Variants in OGT observed in about 807,000 individuals in gnomAD.
The protein encoded by OGT is UDP-N-acetylglucosamine--peptide N-acetylglucosaminyltransferase 110 kDa subunit.
Under a neutral mutation model 75.8 loss-of-function variants are expected in OGT, and 3 were observed. That is an observed-to-expected ratio of 0.04 (90% CI 0.02 to 0.10). The LOEUF (loss-of-function observed/expected upper bound fraction) is 0.10. Among genes scored for constraint, OGT ranks in the 10% least tolerant of loss-of-function variants. OGT has a pLI of 1.00. For missense variants in OGT, 260 were observed against 824.4 expected, an observed-to-expected ratio of 0.32 and a Z score of 8.38; for synonymous variants, 257 against 289.7, an observed-to-expected ratio of 0.89 and a Z score of 1.15.
At chrX:71,549,138 C>T (rs886928382) in intron 5 of OGT, among the ~76,000 whole-genome samples, 3 of 106,737 alleles carry the variant, frequency 2.8e-5, no homozygotes, top group Non-Finnish European at 5.8e-5. Flanking sequence ...GACCCTGTCT[C>T]TACAAAAATG....
chrX:71,553,355 A>G (rs746843354), intron 5 of OGT, among the ~76,000 whole-genome samples: 1 of 111,940 alleles, frequency 8.9e-6, no homozygotes, highest in Non-Finnish European at 1.9e-5. Flanking sequence ...TGGCCTCCCA[A>G]AGTGCTGGGA....
intron 3 of OGT, among the ~76,000 whole-genome samples, chrX:71,543,735 TGTG>T (rs1199237126): frequency 1.2e-4 from 6 of 49,239 alleles, no homozygotes; most frequent in Non-Finnish European, 1.6e-4. Flanking sequence ...ATATTTGAGA[TGTG>T]TGTGTGTGTG....
At chrX:71,559,117 G>C (rs1470817678) in intron 12 of OGT, 150 bp from the exon 13 acceptor site, 1 of 463,120 alleles carries the variant, frequency 2.2e-6, no homozygotes, top group African/African-American at 2.5e-5. Flanking sequence ...ATAAAGTGCT[G>C]AGGTTGCATC....
chrX:71,560,733 A>G (rs2040377634), intron 14 of OGT, among the ~76,000 whole-genome samples: 1 of 111,583 alleles, frequency 9.0e-6, no homozygotes, highest in African/African-American at 3.3e-5. Flanking sequence ...TTTTTGATAC[A>G]CAGTTGGACT....
intron 4 of OGT, chrX:71,546,432 ACCT>A (rs2040259393): frequency 2.7e-6 from 2 of 753,441 alleles, no homozygotes; most frequent in East Asian, 1.5e-4. Flanking sequence ...CAGACACACA[ACCT>A]CCTCCTCCTC....
intron 7 of OGT, among the ~76,000 whole-genome samples, 158 bp downstream of exon 7, chrX:71,555,543 G>A (rs749375044): frequency 9.8e-5 from 11 of 111,764 alleles, no homozygotes; most frequent in Non-Finnish European, 2.1e-4. Flanking sequence ...GCAACATGAC[G>A]AAACCCTGTC....
intron 1 of OGT, among the ~76,000 whole-genome samples, chrX:71,534,936 ATTTAC>A (rs1334036400): frequency 9.0e-6 from 1 of 111,590 alleles, no homozygotes; most frequent in Non-Finnish European, 1.9e-5. Flanking sequence ...CTGTCAGGAA[ATTTAC>A]TTTGCTTTCC....
intron 4 of OGT, chrX:71,547,276 T>G: frequency 1.3e-6 from 1 of 752,676 alleles, no homozygotes; most frequent in East Asian, 1.5e-4. Context: ...TGAGGAACAT[T>G]GTTGAAGAGC....
chrX:71,569,319 C>G (rs2040437972), intron 21 of OGT, among the ~76,000 whole-genome samples: 1 of 111,590 alleles, frequency 9.0e-6, no homozygotes, highest in Non-Finnish European at 1.9e-5. Context: ...CAGAGCGAGA[C>G]TCTGTCTCAA....
chrX:71,554,421 C>A, intron 5 of OGT, 92 bp from the exon 6 acceptor site: 1 of 547,288 alleles, frequency 1.8e-6, no homozygotes, highest in Non-Finnish European at 3.2e-6. Flanking sequence ...TGAAAGTCTG[C>A]AAGGACCTTG....
In OGT at chrX:71,575,248, C is replaced by T. The variant is rs1198302102; in HGVS notation, c.*1454C>T. ...TGTTCTAGATTATGTCTTTCCAAAG[C>T]GCTGAGGCTGTGCACCTATTCTGTA... On this transcript the variant is annotated 3_prime_UTR_variant, in exon 22 of 22. Transcript: ENST00000373719. 8.9e-6 allele frequency: 1 copy of T among 112,094 alleles called. No individual in the cohort carries two copies. The highest frequency in any genetic ancestry group is 1.9e-5 in the Non-Finnish European group (1 of 53,210). 9.2% of individuals were successfully genotyped at this position (112,094 alleles called of 1,213,427 possible). A position where few individuals can be genotyped will look rare whatever the true frequency, so the allele number is the denominator to read the frequency against.
rs1026280170 is a variant in OGT at position 71,573,077 on chromosome X, C to G, written c.2967-543C>G. On this transcript the variant is annotated intron_variant, in intron 21 of 21. Coordinates refer to ENST00000373719, the MANE Select transcript of OGT (RefSeq NM_181672.3). ...TTTCCCCTTGAGTGGTTTTCTGTTT[C>G]ATCAAAATGACCATAAATCGAATAC... Among the ~76,000 whole-genome samples, 5 of 112,310 alleles carry G rather than the reference C, an allele frequency of 4.5e-5. No homozygotes were observed. In the East Asian group the frequency reaches 1.4e-3, roughly 31 times the overall value.
chrX:71,558,700 A>T (rs912719671), intron 12 of OGT, among the ~76,000 whole-genome samples: 26 of 109,898 alleles, frequency 2.4e-4, no homozygotes, highest in South Asian at 1.2e-3. Context: ...AATTTTCTAA[A>T]ATGCGGGAGG....
Position 71,550,896 on chromosome X carries a change from G to T in OGT, c.648+2873G>T, listed in dbSNP as rs192649178. Among the ~76,000 whole-genome samples the T allele has an allele frequency of 1.7e-3, 194 of 110,913 alleles. 1 individual carries two copies. The highest frequency in any genetic ancestry group is 5.7e-3 in the African/African-American group (174 of 30,434). On this transcript the variant is annotated intron_variant, in intron 5 of 21. Transcript: ENST00000373719. ...AGAGTAGAAGGGTGGTGAGGCTTGG[G>T]GGGGTGGAGGAGGGATGGGGAAAAG...
intron 3 of OGT, among the ~76,000 whole-genome samples, chrX:71,539,603 A>G (rs925834487): frequency 8.9e-6 from 1 of 112,163 alleles, no homozygotes; most frequent in East Asian, 2.8e-4. Context: ...CAGTGTATAT[A>G]TATGTACATT....
chrX:71,545,638 A>AG (rs1287612917), intron 4 of OGT: 2 of 112,100 alleles, frequency 1.8e-5, no homozygotes, highest in Non-Finnish European at 3.8e-5. Flanking sequence ...TGCTTCATCC[A>AG]GGGAGGGAGA....
At position 71,563,198 on chromosome X, in the gene OGT, C is replaced by T. The variant is rs763302809; in HGVS notation, c.2217C>T (p.Ile739=). 1.7e-6 allele frequency: 2 copies of T among 1,211,088 alleles called. No individual in the cohort carries two copies. Among genetic ancestry groups the T allele is most frequent in the East Asian group, 3.0e-5 (1 of 33,865 alleles). ...ACAATCGGATAGTTCTGAATGGCATCGACCTCAAAGCATTTCTTGATAGTC... is the reference window on the plus strand; with the variant it reads ...ACAATCGGATAGTTCTGAATGGCATTGACCTCAAAGCATTTCTTGATAGTC... ...IYDNRIVLNG[I]DLKAFLDSLP... Residue 739 remains isoleucine, a synonymous_variant, in exon 17 of 22, where the codon ATC becomes ATT. Coordinates refer to ENST00000373719, the MANE Select transcript of OGT (RefSeq NM_181672.3).
intron 19 of OGT, 72 bp downstream of exon 19, chrX:71,564,825 C>A: frequency 1.1e-6 from 1 of 875,526 alleles, no homozygotes; most frequent in Non-Finnish European, 1.6e-6. Flanking sequence ...ATGGTCCTTC[C>A]ACTCCCATTT....
rs1401018298 is a variant in OGT at position 71,568,093 on chromosome X, G to A, written c.2943G>A (p.Val981=). ...KNRQEYEDIA[V]KLGTDLEYLK... is the part of the protein sequence containing the mutation. ...GACAAGAATATGAAGACATAGCTGT[G>A]AAGCTGGGAACTGATCTAGAATAGT... is the stretch of plus-strand genomic sequence containing the variant. The change falls in exon 21 of 22, where the codon GTG becomes GTA. Residue 981 remains valine (V), a synonymous_variant. Transcript: ENST00000373719. 7.5e-6 allele frequency: 9 copies of A among 1,204,323 alleles called. No homozygotes were observed. The highest frequency in any genetic ancestry group is 1.0e-5 in the Non-Finnish European group (9 of 892,562).
Sources: allele counts gnomAD v4.1 joint callset (sites outside exome capture counted in the v4.1 genomes callset), GRCh38; gene constraint gnomAD v4.1.1; transcripts MANE v1.5; gene names NCBI Gene and HGNC (gene_info 2026-07-23, HGNC 2026-07-21).